Variants in FHIT observed in about 807,000 individuals in gnomAD.
FHIT encodes the protein fragile histidine triad diadenosine triphosphatase, also known as bis(5'-adenosyl)-triphosphatase.
In FHIT, 19 loss-of-function variants were observed where a neutral mutation model predicts 17.9. The observed-to-expected ratio is 1.06, with a 90% confidence interval of 0.74 to 1.56. The LOEUF (loss-of-function observed/expected upper bound fraction) is 1.56, where lower values mean the gene tolerates loss of function less well. FHIT is among the 40% of genes most tolerant of loss of function. FHIT has a pLI of 0.00. For missense variants in FHIT, 248 were observed against 189.2 expected (o/e 1.31, Z -1.82); for synonymous variants, 81 against 69.7 (o/e 1.16, Z -0.81).
chr3:59,986,218 G>T (rs1238101420), intron 7 of FHIT, among the ~76,000 whole-genome samples: 2 of 151,876 alleles, frequency 1.3e-5, no homozygotes, highest in East Asian at 1.9e-4. Context: ...AAGGAAAGAA[G>T]AAAAAGAATT....
intron 5 of FHIT, among the ~76,000 whole-genome samples, chr3:60,406,329 G>C (rs1473046152): frequency 6.6e-6 from 1 of 152,124 alleles, no homozygotes; most frequent in African/African-American, 2.4e-5. Flanking sequence ...CTGATCCTGA[G>C]AACCAGGCAA....
intron 3 of FHIT, among the ~76,000 whole-genome samples, chr3:61,003,275 C>T (rs2031221201): frequency 6.6e-6 from 1 of 152,140 alleles, no homozygotes; most frequent in Admixed American, 6.5e-5. Context: ...GAAAAGCCAT[C>T]TATCTAAAGG....
chr3:61,073,623 T>C (rs547978823), intron 2 of FHIT, among the ~76,000 whole-genome samples: 1 of 152,314 alleles, frequency 6.6e-6, no homozygotes, highest in African/African-American at 2.4e-5. Context: ...CTGCAAAGAA[T>C]TCGTGAGTAT....
rs113569999 is a variant in FHIT, at chr3:60,848,554, G to T, written c.-110-26543C>A. 4.5e-4 allele frequency among the ~76,000 whole-genome samples: 69 copies of T among 152,224 alleles called. 1 individual carries two copies. Among genetic ancestry groups the T allele is most frequent in the Middle Eastern group, 3.4e-3 (1 of 294 alleles). ...GTGTTTTCAGAAAATTGGAGGTCCA[G>T]GCTTTGGAGTCAGACAGATATGGGT... On this transcript the variant is annotated intron_variant, in intron 3 of 9. Transcript: ENST00000492590.
intron 5 of FHIT, among the ~76,000 whole-genome samples, chr3:60,324,531 G>C (rs1012194883): frequency 2.0e-5 from 3 of 146,516 alleles, no homozygotes; most frequent in African/African-American, 7.7e-5. Flanking sequence ...CTTGCAGTGA[G>C]CCAAGATCGC....
At chr3:60,977,567 G>A (rs528228407) in intron 3 of FHIT, among the ~76,000 whole-genome samples, 3 of 152,248 alleles carry the variant, frequency 2.0e-5, no homozygotes, top group Admixed American at 2.0e-4. Flanking sequence ...GGGGATGCTG[G>A]CATGCTCTGT....
chr3:60,286,159 C>T (rs1418525447), intron 5 of FHIT, among the ~76,000 whole-genome samples: 1 of 152,220 alleles, frequency 6.6e-6, no homozygotes, highest in African/African-American at 2.4e-5. Context: ...AGAAAACAGA[C>T]TCCACCTCCT....
intron 5 of FHIT, among the ~76,000 whole-genome samples, chr3:60,053,154 C>T (rs564650106): frequency 1.8e-4 from 28 of 151,788 alleles, no homozygotes; most frequent in East Asian, 1.2e-3. Context: ...TCTTTCTTAG[C>T]GTGGTTGGTT....
intron 8 of FHIT, among the ~76,000 whole-genome samples, chr3:59,869,500 T>TTTTTTTTTTTTTTTTG (rs1553701528): frequency 1.4e-5 from 2 of 145,728 alleles, no homozygotes; most frequent in African/African-American, 2.6e-5. Flanking sequence ...TTTTTTTTTT[T>TTTTTTTTTTTTTTTTG]AGACAGAGTC....
chr3:60,484,343 A>G (rs2033745498), intron 5 of FHIT, among the ~76,000 whole-genome samples: 1 of 152,220 alleles, frequency 6.6e-6, no homozygotes, highest in Non-Finnish European at 1.5e-5. Flanking sequence ...GGAATCTATG[A>G]AGACCTCTGT....
chr3:60,526,299 G>C (rs541996705), intron 5 of FHIT, among the ~76,000 whole-genome samples: 35 of 152,152 alleles, frequency 2.3e-4, no homozygotes, highest in African/African-American at 8.4e-4. Flanking sequence ...GCCCCCGTTT[G>C]TTTCTGAGGA....
chr3:60,258,100 A>ACACACACACACACACACC (rs770378733), intron 5 of FHIT, among the ~76,000 whole-genome samples: 9 of 145,070 alleles, frequency 6.2e-5, no homozygotes, highest in Non-Finnish European at 1.4e-4. Context: ...ACACACACAC[A>ACACACACACACACACACC]CCTCTGCAGA....
At chr3:59,844,910 CAA>C (rs1257844756) in intron 8 of FHIT, among the ~76,000 whole-genome samples, 2 of 152,086 alleles carry the variant, frequency 1.3e-5, no homozygotes, top group African/African-American at 4.8e-5. Flanking sequence ...TATTCACCAG[CAA>C]AGTCATAAGG....
At chr3:59,881,726 G>C (rs1703417905) in intron 8 of FHIT, among the ~76,000 whole-genome samples, 1 of 152,140 alleles carries the variant, frequency 6.6e-6, no homozygotes. Context: ...TACAAGAAGA[G>C]GCTAAAAACA....
At chr3:60,490,978 T>C (rs1237699646) in intron 5 of FHIT, among the ~76,000 whole-genome samples, 4 of 152,094 alleles carry the variant, frequency 2.6e-5, no homozygotes, top group Non-Finnish European at 5.9e-5. Context: ...AAAAGGTAAT[T>C]GCAAAATAAA....
intron 5 of FHIT, among the ~76,000 whole-genome samples, chr3:60,358,117 C>T (rs1699752279): frequency 6.6e-6 from 1 of 152,196 alleles, no homozygotes; most frequent in Non-Finnish European, 1.5e-5. Flanking sequence ...GAAGGCAATG[C>T]ACCTTATCAT....
intron 8 of FHIT, among the ~76,000 whole-genome samples, chr3:59,767,661 A>G (rs937160751): frequency 1.3e-5 from 2 of 152,168 alleles, no homozygotes; most frequent in African/African-American, 2.4e-5. Context: ...ATGGAGCTCT[A>G]TTGAGTGCTT....
intron 5 of FHIT, among the ~76,000 whole-genome samples, chr3:60,247,424 TGATGAAGATGAA>T (rs142415382): frequency 6.6e-6 from 1 of 151,134 alleles, no homozygotes; most frequent in Non-Finnish European, 1.5e-5. Flanking sequence ...AGGAAGAAGA[TGATGAAGATGAA>T]GATGAAGATG....
chr3:60,273,845 CA>C (rs1484863400), intron 5 of FHIT, among the ~76,000 whole-genome samples: 1 of 152,028 alleles, frequency 6.6e-6, no homozygotes, highest in Non-Finnish European at 1.5e-5. Flanking sequence ...AGAGTTTTCA[CA>C]AATATTTAAA....
Sources: gnomAD v4.1 joint callset for allele counts (sites outside exome capture counted in the v4.1 genomes callset) on GRCh38, gnomAD v4.1.1 for gene constraint, MANE v1.5 for transcripts, NCBI Gene and HGNC (gene_info 2026-07-23, HGNC 2026-07-21) for gene names.